SLC22A3: variants seen among roughly 807,000 people sequenced by gnomAD.
SLC22A3 encodes the protein solute carrier family 22 member 3, also known as EMT organic cation transporter 3.
Under a neutral mutation model 59.1 loss-of-function variants are expected in SLC22A3, and 51 were observed. The ratio of observed to expected loss-of-function variants is 0.86; its 90% CI spans 0.69 to 1.09. The LOEUF is 1.09. SLC22A3 is among the 50% of genes least tolerant of loss of function. The pLI, the probability that SLC22A3 is intolerant of heterozygous loss-of-function variation, is 0.00. For missense variants in SLC22A3, 711 were observed against 726.3 expected, an observed-to-expected ratio of 0.98 and a Z score of 0.24; for synonymous variants, 325 against 292.0, an observed-to-expected ratio of 1.11 and a Z score of -1.15.
intron 2 of SLC22A3, among the ~76,000 whole-genome samples, chr6:160,398,669 T>C (rs562345041): frequency 5.3e-5 from 8 of 152,348 alleles, no homozygotes; most frequent in African/African-American, 1.7e-4. Context: ...TGCTTTCTAT[T>C]TAAATATTCT....
At chr6:160,375,810 T>C (rs1785568077) in intron 1 of SLC22A3, among the ~76,000 whole-genome samples, 1 of 152,160 alleles carries the variant, frequency 6.6e-6, no homozygotes, top group African/African-American at 2.4e-5. Flanking sequence ...AAAATTGCAT[T>C]TCTTTGTTCA....
Position 160,415,255 on chromosome 6 carries a change from T to C in SLC22A3, c.975+4409T>C, listed in dbSNP as rs1036854445. Among the ~76,000 whole-genome samples, 1 of 152,192 alleles carries C rather than the reference T, an allele frequency of 6.6e-6. No homozygotes were observed. The highest frequency in any genetic ancestry group is 1.5e-5 in the Non-Finnish European group (1 of 68,032). On this transcript the variant is annotated intron_variant, in intron 5 of 10. Coordinates refer to ENST00000275300, the MANE Select transcript of SLC22A3 (RefSeq NM_021977.4). This position sits in a 1 kb window ranked among gnomAD's most constrained non-coding sequence, Gnocchi z 4.1. ...TAGTTTTCCATCTCAAAGGTCCTTA[T>C]GTCCCCACAAGCACCATCCTGAGCA...
chr6:160,433,835 T>C (rs769795247), intron 5 of SLC22A3, among the ~76,000 whole-genome samples: 2 of 152,038 alleles, frequency 1.3e-5, no homozygotes, highest in Non-Finnish European at 2.9e-5. Flanking sequence ...TGAGTGAGAG[T>C]GAATTTGTTC....
chr6:160,416,023 T>C (rs1787473483), intron 5 of SLC22A3, among the ~76,000 whole-genome samples: 2 of 152,192 alleles, frequency 1.3e-5, no homozygotes, highest in Admixed American at 6.5e-5. Context: ...AGGTGCATTT[T>C]GAGGGTTGTT....
intron 1 of SLC22A3, among the ~76,000 whole-genome samples, chr6:160,384,280 AG>A (rs1254141867): frequency 2.0e-5 from 3 of 152,244 alleles, no homozygotes; most frequent in African/African-American, 7.2e-5. Flanking sequence ...GGAGGGTCCT[AG>A]AATGAATCAC....
At chr6:160,416,578 C>A (rs1487082807) in intron 5 of SLC22A3, among the ~76,000 whole-genome samples, 1 of 152,146 alleles carries the variant, frequency 6.6e-6, no homozygotes, top group Non-Finnish European at 1.5e-5. Context: ...TCCACTGACC[C>A]CAGAGAGCAT....
chr6:160,365,151 A>C (rs940564716), intron 1 of SLC22A3, among the ~76,000 whole-genome samples: 1 of 152,208 alleles, frequency 6.6e-6, no homozygotes, highest in African/African-American at 2.4e-5. Flanking sequence ...GAAAATTTCT[A>C]GTCACAAGAC....
At chr6:160,375,779 G>A (rs964048386) in intron 1 of SLC22A3, among the ~76,000 whole-genome samples, 3 of 151,994 alleles carry the variant, frequency 2.0e-5, no homozygotes, top group Admixed American at 6.6e-5. Context: ...AATCAAGAAC[G>A]CATATTTCAG....
In SLC22A3 at chr6:160,442,868, CGGTA is replaced by C. The variant is rs1562503858; in HGVS notation, c.1397_1397+3del. 2 of 1,602,342 alleles carry C rather than the reference CGGTA, an allele frequency of 1.2e-6. No individual in the cohort carries two copies. The highest frequency in any genetic ancestry group is 4.5e-5 in the East Asian group (2 of 44,780). On this transcript the variant is annotated splice_donor_variant and splice_donor_region_variant and coding_sequence_variant and intron_variant, in exon 8 of 11. Coordinates refer to ENST00000275300, the MANE Select transcript of SLC22A3 (RefSeq NM_021977.4). LOFTEE classifies it high-confidence loss of function. The stretch of plus-strand genomic sequence containing the variant: ...TTCAGAATTGTACCCAACAACATTA[CGGTA>C]ATTCTAACAAACGTTATAGTTTCTC...
chr6:160,448,829 C>G (rs1291745388), intron 10 of SLC22A3, among the ~76,000 whole-genome samples: 1 of 152,090 alleles, frequency 6.6e-6, no homozygotes, highest in African/African-American at 2.4e-5. Context: ...ACTTTCTTGC[C>G]AGAGACTTCC....
intron 5 of SLC22A3, among the ~76,000 whole-genome samples, chr6:160,420,997 C>G (rs56862094): frequency 0.011 from 1,692 of 152,336 alleles, 37 homozygotes; most frequent in African/African-American, 0.038. Flanking sequence ...GGTTCTTCAT[C>G]TGGTCCTGAG....
At chr6:160,409,595 A>C (rs1186423146) in intron 4 of SLC22A3, among the ~76,000 whole-genome samples, 9 of 151,948 alleles carry the variant, frequency 5.9e-5, no homozygotes, top group Admixed American at 4.6e-4. Context: ...AGGAATCGCC[A>C]CACTGACTTC....
chr6:160,381,410 G>A (rs1190378175), intron 1 of SLC22A3, among the ~76,000 whole-genome samples: 1 of 152,194 alleles, frequency 6.6e-6, no homozygotes. Flanking sequence ...CTCCTCTCCA[G>A]TATTCAAGGC....
At chr6:160,416,608 T>C (rs1263064417) in intron 5 of SLC22A3, among the ~76,000 whole-genome samples, 1 of 152,212 alleles carries the variant, frequency 6.6e-6, no homozygotes, top group African/African-American at 2.4e-5. Context: ...GAGAACTGCT[T>C]TCTGCCCTGG....
In SLC22A3 at chr6:160,398,079, A is replaced by AC; in HGVS notation, c.531dup (p.Arg178GlnfsTer113). ...GCATTCACCTTAGGCTATGCAGCAG[A>AC]CAGGTAGGTACCAATGTGACAGCCA... On this transcript the variant is annotated frameshift_variant, in exon 2 of 11. Coordinates refer to ENST00000275300, the MANE Select transcript of SLC22A3 (RefSeq NM_021977.4). LOFTEE classifies it high-confidence loss of function. 6.2e-7 allele frequency: 1 copy of AC among 1,610,768 alleles called. No individual in the cohort carries two copies.
intron 1 of SLC22A3, among the ~76,000 whole-genome samples, chr6:160,360,051 A>G (rs557328085): frequency 1.3e-5 from 2 of 152,304 alleles, no homozygotes; most frequent in African/African-American, 4.8e-5. Context: ...ATAGTTTTCA[A>G]TTCTTATTTG....
In SLC22A3 at chr6:160,443,679, A is replaced by G. The variant is rs1468843291; in HGVS notation, c.1447A>G (p.Ile483Val). The G allele has an allele frequency of 3.1e-6, 5 of 1,613,952 alleles. No individual in the cohort carries two copies. Among genetic ancestry groups the G allele is most frequent in the African/African-American group, 1.3e-5 (1 of 74,938 alleles). ...CSGLCDFGGI[I>V]APFLLFRLAA... ...AGGTCTGTGTGATTTTGGGGGAATC[A>G]TAGCCCCATTTCTGCTCTTTCGGCT... Residue 483 changes from isoleucine (I) to valine (V), a missense_variant, in exon 9 of 11, where the codon ATA (isoleucine) becomes GTA (valine). Coordinates refer to ENST00000275300, the MANE Select transcript of SLC22A3 (RefSeq NM_021977.4).
intron 2 of SLC22A3, among the ~76,000 whole-genome samples, chr6:160,400,371 C>T (rs1162509505): frequency 6.6e-6 from 1 of 152,002 alleles, no homozygotes; most frequent in Non-Finnish European, 1.5e-5. Flanking sequence ...AAATTCTAGC[C>T]TCCTCTAGCT....
intron 1 of SLC22A3, among the ~76,000 whole-genome samples, chr6:160,366,545 A>C (rs929215463): frequency 6.6e-6 from 1 of 152,220 alleles, no homozygotes; most frequent in South Asian, 2.1e-4. Context: ...TCTGGAGGAC[A>C]GTGGCCCTCT....
Sources: allele counts gnomAD v4.1 joint callset (sites outside exome capture counted in the v4.1 genomes callset), GRCh38; gene constraint gnomAD v4.1.1; non-coding constraint Gnocchi (gnomAD v3.1); transcripts MANE v1.5; gene names NCBI Gene and HGNC (gene_info 2026-07-23, HGNC 2026-07-21).